The following INTS10 variants were observed in gnomAD, a reference collection of about 807,000 sequenced individuals.
The protein encoded by INTS10 is chromosome 8 open reading frame 35.
A neutral mutation model predicts 94.4 loss-of-function variants in INTS10; 44 were observed. The observed-to-expected ratio is 0.47, with a 90% CI of 0.37 to 0.60. The LOEUF is 0.60. INTS10 is among the 20% of genes least tolerant of loss of function. INTS10 has a pLI of 0.00. For missense variants in INTS10, 797 were observed against 868.7 expected (o/e 0.92, Z 1.04); for synonymous variants, 341 against 320.7 (o/e 1.06, Z -0.68).
At chr8:19,845,838 C>T (rs1296877754) in intron 16 of INTS10, 41 bp downstream of exon 16, 1 of 1,345,600 alleles carries the variant, frequency 7.4e-7, no homozygotes, top group African/African-American at 1.4e-5. Context: ...TGAGTGCTCA[C>T]CTTTTGTGTC....
chr8:19,842,504 T>G (rs2068209444), intron 13 of INTS10, among the ~76,000 whole-genome samples: 1 of 152,190 alleles, frequency 6.6e-6, no homozygotes, highest in African/African-American at 2.4e-5. Flanking sequence ...TTATTGATAT[T>G]AGAAATGTTT....
At chr8:19,827,048 G>C (rs887754070) in intron 9 of INTS10, among the ~76,000 whole-genome samples, 1 of 152,130 alleles carries the variant, frequency 6.6e-6, no homozygotes, top group South Asian at 2.1e-4. Flanking sequence ...TCATGAAGGA[G>C]GTCAACATTT....
chr8:19,848,320 C>T (rs1243415523), intron 16 of INTS10, among the ~76,000 whole-genome samples: 1 of 152,136 alleles, frequency 6.6e-6, no homozygotes, highest in Non-Finnish European at 1.5e-5. Context: ...GGGATGCAAG[C>T]AGGTACAGTA....
chr8:19,833,144 C>G (rs1455178452), intron 11 of INTS10, 25 bp from the exon 12 acceptor site: 2 of 1,505,186 alleles, frequency 1.3e-6, no homozygotes, highest in African/African-American at 2.9e-5. Context: ...TGCTTTTCCC[C>G]TCCTTGCTAT....
At position 19,817,580 on chromosome 8, in the gene INTS10, C is replaced by T. The variant is rs772198430; in HGVS notation, c.43C>T (p.Arg15Trp). 2.5e-6 allele frequency: 4 copies of T among 1,608,760 alleles called. No homozygotes were observed. The highest frequency in any genetic ancestry group is 1.7e-5 in the Admixed American group (1 of 59,536). The change falls in exon 1 of 17, where the codon CGG becomes TGG. Residue 15 changes from arginine (R) to tryptophan (W), a missense_variant. Arg to Trp is a moderately radical substitution (Grantham distance 101). Around this residue, in one of 3 missense-constraint regions of INTS10, gnomAD observed 734 missense variants for 787.8 expected, o/e 0.93. Coordinates refer to ENST00000397977, the MANE Select transcript of INTS10 (RefSeq NM_018142.4). Reference protein sequence around the residue: ...GDCEFLVQRARELVPQDLWAA... With the variant: ...GDCEFLVQRAWELVPQDLWAA... ...CTGCGAGTTCCTGGTGCAGCGAGCC[C>T]GGGAGTTGGTGCCGCAAGACCTGTG...
Position 19,849,031 on chromosome 8 carries a change from G to A in INTS10, c.1977-2618G>A, listed in dbSNP as rs1466070768. On this transcript the variant is annotated intron_variant, in intron 16 of 16. Coordinates refer to ENST00000397977, the MANE Select transcript of INTS10 (RefSeq NM_018142.4). This position sits in a 1 kb window ranked among gnomAD's most constrained non-coding sequence, Gnocchi z 4.6. ...CCTTAAACACCCAGCCACGGCCAGG[G>A]GCTTGTTGAGGTTAATGAGTTTCTG... 2 of 360,880 alleles carry A rather than the reference G, an allele frequency of 5.5e-6. No homozygotes were observed. The highest frequency in any genetic ancestry group is 1.1e-5 in the Non-Finnish European group (2 of 176,744). 22.4% of individuals were successfully genotyped at this position (360,880 alleles called of 1,614,324 possible).
chr8:19,832,050 C>T lies in INTS10; in HGVS notation c.1317C>T (p.Ala439=), dbSNP rs201680739. 8.5e-5 allele frequency: 137 copies of T among 1,605,784 alleles called. No homozygotes were observed. Among genetic ancestry groups the T allele is most frequent in the Non-Finnish European group, 1.1e-4 (129 of 1,172,406 alleles). ...CAGAATTTACAAGGATTTGCTTGGC[C>T]TGGAAGACGGATACTTGGCTTTGGT... is the stretch of plus-strand genomic sequence containing the variant. ...LDKEFTRICL[A]WKTDTWLWLR... Residue 439 remains alanine (A), a synonymous_variant, in exon 11 of 17, where the codon GCC becomes GCT. Transcript: ENST00000397977.
chr8:19,844,493 A>G (rs1262986507), intron 15 of INTS10, among the ~76,000 whole-genome samples: 1 of 152,206 alleles, frequency 6.6e-6, no homozygotes, highest in Non-Finnish European at 1.5e-5. Context: ...AAGGTACGCA[A>G]AATGCCTCCA....
chr8:19,851,814 CT>C lies in INTS10; in HGVS notation c.*12del. 1 of 1,613,132 alleles carries C rather than the reference CT, an allele frequency of 6.2e-7. No homozygotes were observed. The highest frequency in any genetic ancestry group is 1.1e-5 in the South Asian group (1 of 91,024). On this transcript the variant is annotated 3_prime_UTR_variant, in exon 17 of 17. Coordinates refer to ENST00000397977, the MANE Select transcript of INTS10 (RefSeq NM_018142.4). This position sits in a 1 kb window ranked among gnomAD's most constrained non-coding sequence, Gnocchi z 5.0. ...TTCAGACTCTGACCTGAGTGGAGAC[CT>C]TTCCACCAGACACAGCTCGGGCCTG...
In INTS10 at chr8:19,849,832, A is replaced by G. The variant is rs2068876254; in HGVS notation, c.1977-1817A>G. 6.6e-6 allele frequency among the ~76,000 whole-genome samples: 1 copy of G among 152,178 alleles called. No individual in the cohort carries two copies. The highest frequency in any genetic ancestry group is 2.4e-5 in the African/African-American group (1 of 41,444). ...GCTTACTAATTCTCTTTTTCATCCA[A>G]ACTTACCAAAGTGATAGTGCTTCTA... On this transcript the variant is annotated intron_variant, in intron 16 of 16. Coordinates refer to ENST00000397977, the MANE Select transcript of INTS10 (RefSeq NM_018142.4). This position sits in a 1 kb window ranked among gnomAD's most constrained non-coding sequence, Gnocchi z 4.6.
chr8:19,837,193 A>G, intron 13 of INTS10, 33 bp downstream of exon 13: 8 of 1,404,950 alleles, frequency 5.7e-6, no homozygotes, highest in Non-Finnish European at 7.1e-6. Context: ...TATTTTGTAA[A>G]AATAGCTTTA....
At chr8:19,832,202 C>G in intron 11 of INTS10, 92 bp downstream of exon 11, 1 of 753,566 alleles carries the variant, frequency 1.3e-6, no homozygotes, top group Non-Finnish European at 2.4e-6. Flanking sequence ...GTCATGTTCC[C>G]TCTTGGGCTA....
rs117360767 is a variant in INTS10 at position 19,843,557 on chromosome 8, A to G, written c.1720-519A>G. Among the ~76,000 whole-genome samples, 278 of 152,340 alleles carry G rather than the reference A, an allele frequency of 1.8e-3. 6 individuals are homozygous for G. The East Asian group carries it at 0.049, about 27-fold the overall frequency. ...CAAAAACAATTTAAAGTGTGATTTT[A>G]TGCATAACCGCTCATTTGAAACAAA... On this transcript the variant is annotated intron_variant, in intron 14 of 16. Coordinates refer to ENST00000397977, the MANE Select transcript of INTS10 (RefSeq NM_018142.4). The surrounding 1 kb of genome is among the most constrained non-coding windows in gnomAD (Gnocchi z 4.7).
intron 5 of INTS10, 31 bp downstream of exon 5, chr8:19,822,551 A>G (rs1030211816): frequency 2.3e-6 from 3 of 1,325,368 alleles, no homozygotes; most frequent in African/African-American, 1.4e-5. Flanking sequence ...TATTACTTCT[A>G]TGGTAAATTA....
At chr8:19,827,231 C>T (rs545008006) in intron 9 of INTS10, among the ~76,000 whole-genome samples, 45 of 152,226 alleles carry the variant, frequency 3.0e-4, no homozygotes, top group African/African-American at 1.1e-3. Flanking sequence ...AGCCTCTGCC[C>T]GTTGAAGCTG....
chr8:19,830,666 A>T, intron 10 of INTS10, 107 bp downstream of exon 10: 1 of 1,058,234 alleles, frequency 9.4e-7, no homozygotes, highest in Non-Finnish European at 1.4e-6. Context: ...ACAGTAGTTC[A>T]TGCATTTTTT....
chr8:19,843,054 G>C lies in INTS10; in HGVS notation c.1719+127G>C. On this transcript the variant is annotated intron_variant, in intron 14 of 16. Coordinates refer to ENST00000397977, the MANE Select transcript of INTS10 (RefSeq NM_018142.4). This position sits in a 1 kb window ranked among gnomAD's most constrained non-coding sequence, Gnocchi z 4.7. Reference sequence around the variant, plus strand: ...TTTTGAGGGCAGGCCCAAACAGTTAGAAAAGCACATGGGCTACTAATTAAC... The same window carrying C: ...TTTTGAGGGCAGGCCCAAACAGTTACAAAAGCACATGGGCTACTAATTAAC... 1 of 668,830 alleles carries C rather than the reference G, an allele frequency of 1.5e-6. No homozygotes were observed. Among genetic ancestry groups the C allele is most frequent in the Non-Finnish European group, 2.6e-6 (1 of 379,122 alleles). The allele number at this position is 668,830 out of a possible 1,614,324, so 41.4% of individuals were successfully genotyped here.
Position 19,851,854 on chromosome 8 carries a change from G to C in INTS10, c.*49G>C. ...AGCTCGGGCCTGTGTAATTGTAGGA[G>C]AAGACACTCAGCAGTGATTGCCATG... On this transcript the variant is annotated 3_prime_UTR_variant, in exon 17 of 17. Transcript: ENST00000397977. This position sits in a 1 kb window ranked among gnomAD's most constrained non-coding sequence, Gnocchi z 5.0. 1 of 1,548,308 alleles carries C rather than the reference G, an allele frequency of 6.5e-7. No homozygotes were observed. Among genetic ancestry groups the C allele is most frequent in the Non-Finnish European group, 8.9e-7 (1 of 1,122,198 alleles).
intron 12 of INTS10, among the ~76,000 whole-genome samples, chr8:19,835,533 G>A (rs1022831075): frequency 6.6e-6 from 1 of 152,178 alleles, no homozygotes; most frequent in Non-Finnish European, 1.5e-5. Flanking sequence ...TTTCTTTGTT[G>A]GGTCCAAAGA....
Sources: allele counts gnomAD v4.1 joint callset (sites outside exome capture counted in the v4.1 genomes callset), GRCh38; gene constraint gnomAD v4.1.1; regional missense constraint gnomAD v4.1.1; non-coding constraint Gnocchi (gnomAD v3.1); transcripts MANE v1.5; gene names NCBI Gene and HGNC (gene_info 2026-07-23, HGNC 2026-07-21).